The following MAPK6 variants were observed in gnomAD, a reference collection of about 807,000 sequenced individuals.
MAPK6 encodes the protein mitogen-activated protein kinase 6, also known as ERK-3.
A neutral mutation model predicts 59.3 loss-of-function variants in MAPK6; 19 were observed. The observed-to-expected ratio is 0.32, with a 90% CI of 0.22 to 0.47. The LOEUF (loss-of-function observed/expected upper bound fraction) is 0.47. Ranked by LOEUF, MAPK6 falls within the 20% of genes least tolerant of loss-of-function variation. The pLI is 1.00. For missense variants in MAPK6, 724 were observed against 847.9 expected, an observed-to-expected ratio of 0.85 and a Z score of 1.81; for synonymous variants, 316 against 290.3, an observed-to-expected ratio of 1.09 and a Z score of -0.90.
intron 3 of MAPK6, among the ~76,000 whole-genome samples, chr15:52,051,354 G>C (rs2031773138): frequency 6.6e-6 from 1 of 151,854 alleles, no homozygotes; most frequent in South Asian, 2.1e-4. Context: ...ACCCCACCAG[G>C]CCCTCCATAC....
chr15:52,050,155 G>A lies in MAPK6; in HGVS notation c.700+18G>A. On this transcript the variant is annotated intron_variant, in intron 3 of 5. Coordinates refer to ENST00000261845, the MANE Select transcript of MAPK6 (RefSeq NM_002748.4). ...TTTTGCAGGTTAGTATTTTGTGGGG[G>A]GAAAAATTTTCCCAAAGAGAAGTAA... 6.3e-7 allele frequency: 1 copy of A among 1,581,224 alleles called. No individual in the cohort carries two copies. The highest frequency in any genetic ancestry group is 8.5e-7 in the Non-Finnish European group (1 of 1,172,276).
intron 2 of MAPK6, among the ~76,000 whole-genome samples, chr15:51,984,447 ATTTTTTTTTTTTTT>A (rs71130112): frequency 0.027 from 1,877 of 70,020 alleles, 31 homozygotes; most frequent in African/African-American, 0.057. Flanking sequence ...ACGCCGGCTA[ATTTTTTTTTTTTTT>A]TTTTTTTTTT....
At chr15:52,037,153 A>G (rs1481370649) in intron 1 of MAPK6, among the ~76,000 whole-genome samples, 1 of 152,144 alleles carries the variant, frequency 6.6e-6, no homozygotes, top group Non-Finnish European at 1.5e-5. Context: ...AAGAAAAAAA[A>G]GTTGAACGTG....
chr15:52,042,635 T>A (rs1308786097), intron 1 of MAPK6: 1 of 152,214 alleles, frequency 6.6e-6, no homozygotes, highest in Non-Finnish European at 1.5e-5. Context: ...TGCTATTCTG[T>A]CAGATAACAG....
chr15:51,978,369 G>C (rs1473180752), intron 1 of MAPK6, among the ~76,000 whole-genome samples: 1 of 151,868 alleles, frequency 6.6e-6, no homozygotes, highest in African/African-American at 2.4e-5. Context: ...CCTGACCTCA[G>C]GTGATCCACC....
chr15:51,974,634 G>A (rs1273435802), intron 1 of MAPK6, among the ~76,000 whole-genome samples: 2 of 142,026 alleles, frequency 1.4e-5, no homozygotes, highest in Non-Finnish European at 3.1e-5. Flanking sequence ...ACCCGAGCCT[G>A]GGAGACAGAG....
At chr15:52,015,629 C>T (rs545469082), upstream of MAPK6, among the ~76,000 whole-genome samples, 96 of 151,378 alleles carry the variant, frequency 6.3e-4, no homozygotes, top group East Asian at 2.8e-3. Flanking sequence ...CACGCCACCA[C>T]GCCCGGCTAA....
intron 2 of MAPK6, among the ~76,000 whole-genome samples, chr15:51,991,234 T>G (rs1052069164): frequency 1.3e-5 from 2 of 152,096 alleles, no homozygotes; most frequent in African/African-American, 4.8e-5. Context: ...TGTATATATG[T>G]GTGTATATAT....
chr15:51,995,662 T>G (rs2057222118), intron 2 of MAPK6, among the ~76,000 whole-genome samples: 1 of 152,168 alleles, frequency 6.6e-6, no homozygotes, highest in African/African-American at 2.4e-5. Flanking sequence ...GCGCAGTGGC[T>G]CATGCCTGTA....
At chr15:52,049,732 A>G (rs141066755) in intron 2 of MAPK6, among the ~76,000 whole-genome samples, 2,401 of 150,664 alleles carry the variant, frequency 0.016, 27 homozygotes, top group African/African-American at 0.032. Flanking sequence ...CTCCTGGCTC[A>G]GCCTCCCAAG....
At position 51,999,816 on chromosome 15, in the gene MAPK6, G is replaced by T. The variant is rs976482704; in HGVS notation, c.-769-4449G>T. 4.9e-4 allele frequency among the ~76,000 whole-genome samples: 75 copies of T among 151,908 alleles called. 1 individual carries two copies. The highest frequency in any genetic ancestry group is 3.4e-3 in the Middle Eastern group (1 of 292). On this transcript the variant is annotated intron_variant, in intron 2 of 7. Transcript: ENST00000691380. ...ATGCCACCATGCCTGGCTAATTTTT[G>T]TATTTTCTGTAGAGACAGGGTTTCA...
chr15:51,987,188 G>A (rs1414522165), intron 2 of MAPK6, among the ~76,000 whole-genome samples: 4 of 152,182 alleles, frequency 2.6e-5, no homozygotes, highest in African/African-American at 7.2e-5. Flanking sequence ...TTTAAGAAAA[G>A]TCTAGATTAC....
chr15:52,052,531 A>G (rs2031816447), intron 3 of MAPK6, among the ~76,000 whole-genome samples: 1 of 152,106 alleles, frequency 6.6e-6, no homozygotes. Flanking sequence ...TTGGCTCCTG[A>G]AAGATCCTGC....
intron 2 of MAPK6, among the ~76,000 whole-genome samples, chr15:51,985,630 G>A (rs2057188505): frequency 6.6e-6 from 1 of 151,806 alleles, no homozygotes; most frequent in Admixed American, 6.6e-5. Flanking sequence ...ACTCCAACCT[G>A]GGTGACAGAG....
intron 3 of MAPK6, among the ~76,000 whole-genome samples, chr15:52,051,293 G>A (rs976289921): frequency 6.6e-6 from 1 of 151,836 alleles, no homozygotes; most frequent in African/African-American, 2.4e-5. Context: ...TCCTGACCTC[G>A]TGATCCACCC....
chr15:52,010,897 A>G (rs902266356), intron 3 of MAPK6: 1 of 152,188 alleles, frequency 6.6e-6, no homozygotes, highest in African/African-American at 2.4e-5. Flanking sequence ...TGCATTTCCA[A>G]AAATCATTCG....
chr15:52,029,825 G>A (rs568744961), intron 1 of MAPK6, among the ~76,000 whole-genome samples: 1 of 152,166 alleles, frequency 6.6e-6, no homozygotes, highest in East Asian at 1.9e-4. Flanking sequence ...ATGTCACCTG[G>A]CTTACTGAAA....
At chr15:51,988,288 A>T (rs2057197273) in intron 2 of MAPK6, among the ~76,000 whole-genome samples, 1 of 152,194 alleles carries the variant, frequency 6.6e-6, no homozygotes, top group Non-Finnish European at 1.5e-5. Flanking sequence ...AAAAGAAAGA[A>T]TAAAATGGGA....
intron 3 of MAPK6, among the ~76,000 whole-genome samples, chr15:52,057,445 TCTTCTGGG>T (rs1334294880): frequency 2.6e-5 from 4 of 152,216 alleles, no homozygotes; most frequent in African/African-American, 4.8e-5. Flanking sequence ...CCTGCCTCTG[TCTTCTGGG>T]CTTCTCTCCA....
Sources: gnomAD v4.1 joint callset for allele counts (sites outside exome capture counted in the v4.1 genomes callset) on GRCh38, gnomAD v4.1.1 for gene constraint, MANE v1.5 for transcripts, NCBI Gene and HGNC (gene_info 2026-07-23, HGNC 2026-07-21) for gene names.